The following SND1 variants were observed in gnomAD, a reference collection of about 807,000 sequenced individuals.
The protein encoded by SND1 is staphylococcal nuclease and tudor domain containing 1, also known as staphylococcal nuclease domain-containing protein 1.
A neutral mutation model predicts 121.7 loss-of-function variants in SND1; 38 were observed. The observed-to-expected ratio is 0.31, with a 90% CI of 0.24 to 0.41. The LOEUF (loss-of-function observed/expected upper bound fraction) is 0.41, where lower values mean the gene tolerates loss of function less well. Ranked by LOEUF, SND1 falls within the 10% of genes least tolerant of loss-of-function variation. The pLI, the probability that SND1 is intolerant of heterozygous loss-of-function variation, is 1.00. For synonymous variants in SND1, 401 were observed against 447.4 expected, an observed-to-expected ratio of 0.90 and a Z score of 1.31; for missense variants, 868 against 1,184.6, an observed-to-expected ratio of 0.73 and a Z score of 3.92.
Position 127,858,612 on chromosome 7 carries a change from C to G in SND1, c.1343+14188C>G, listed in dbSNP as rs1004916541. 1.7e-5 allele frequency: 5 copies of G among 301,612 alleles called. No individual in the cohort carries two copies. In the South Asian group the frequency reaches 1.8e-4, roughly 11 times the overall value. The allele number at this position is 301,612 out of a possible 1,614,324, so 18.7% of individuals were successfully genotyped here. On this transcript the variant is annotated intron_variant, in intron 12 of 23. Transcript: ENST00000354725. ...CCAGTTGCTAATGGACTCTAGGGAACAAAAACACCACTCTCCTGCTCCTGT... is the reference window on the plus strand; with the variant it reads ...CCAGTTGCTAATGGACTCTAGGGAAGAAAAACACCACTCTCCTGCTCCTGT...
intron 18 of SND1, among the ~76,000 whole-genome samples, chr7:128,082,811 C>T (rs1046174230): frequency 6.6e-6 from 1 of 152,256 alleles, no homozygotes; most frequent in East Asian, 1.9e-4. Flanking sequence ...CAAAAGGATG[C>T]GATCACTCCC....
At chr7:127,739,728 A>G (rs188592617) in intron 10 of SND1, among the ~76,000 whole-genome samples, 66 of 152,302 alleles carry the variant, frequency 4.3e-4, no homozygotes, top group Admixed American at 1.8e-3. Flanking sequence ...TCCAAGTTGG[A>G]CTTGGTCCTC....
intron 10 of SND1, among the ~76,000 whole-genome samples, chr7:127,756,707 C>G (rs1481816373): frequency 1.3e-5 from 2 of 152,316 alleles, no homozygotes; most frequent in East Asian, 1.9e-4. Flanking sequence ...TTCCCCAAAT[C>G]ACTTACCTGT....
intron 11 of SND1, among the ~76,000 whole-genome samples, chr7:127,827,768 T>C (rs1798668840): frequency 6.6e-6 from 1 of 152,238 alleles, no homozygotes; most frequent in Non-Finnish European, 1.5e-5. Flanking sequence ...GTTTTATTAA[T>C]AAGTATCATT....
intron 1 of SND1, among the ~76,000 whole-genome samples, chr7:127,675,166 A>G (rs143334872): frequency 1.7e-3 from 266 of 152,354 alleles, no homozygotes; most frequent in African/African-American, 6.1e-3. Context: ...GTGCCATTGC[A>G]CTGCAGCCTG....
intron 10 of SND1, among the ~76,000 whole-genome samples, chr7:127,737,036 AAC>A (rs1350600130): frequency 6.6e-6 from 1 of 151,922 alleles, no homozygotes; most frequent in African/African-American, 2.4e-5. Flanking sequence ...TTGTGATAAA[AAC>A]AGTCACCCCC....
intron 14 of SND1, among the ~76,000 whole-genome samples, chr7:127,915,260 C>G (rs768086522): frequency 6.6e-6 from 1 of 152,164 alleles, no homozygotes; most frequent in Non-Finnish European, 1.5e-5. Flanking sequence ...GCGCGAGCCA[C>G]TGCACCCAGC....
intron 15 of SND1, among the ~76,000 whole-genome samples, chr7:127,989,265 G>T (rs994066495): frequency 6.6e-6 from 1 of 152,180 alleles, no homozygotes; most frequent in Non-Finnish European, 1.5e-5. Flanking sequence ...TGGCAGAATG[G>T]TCCTTGCTGT....
intron 1 of SND1, among the ~76,000 whole-genome samples, chr7:127,655,975 G>A (rs553517212): frequency 6.6e-5 from 10 of 152,224 alleles, no homozygotes; most frequent in South Asian, 4.1e-4. Flanking sequence ...AAGGGAGGAC[G>A]GACAGTGCCA....
intron 1 of SND1, among the ~76,000 whole-genome samples, chr7:127,666,210 G>A (rs575177111): frequency 1.8e-3 from 274 of 152,308 alleles, no homozygotes; most frequent in African/African-American, 6.1e-3. Context: ...CCCCTGAACC[G>A]TAGCTCTAGA....
chr7:127,807,799 C>T (rs1798262890), intron 11 of SND1, among the ~76,000 whole-genome samples: 1 of 152,196 alleles, frequency 6.6e-6, no homozygotes, highest in African/African-American at 2.4e-5. Context: ...CCAATAGTCT[C>T]ACAGCAGGGT....
At chr7:127,707,463 G>T in intron 8 of SND1, 94 bp from the exon 9 acceptor site, 1 of 893,130 alleles carries the variant, frequency 1.1e-6, no homozygotes, top group Non-Finnish European at 1.9e-6. Context: ...CATCTATAGG[G>T]TAGAGTAGGA....
At chr7:127,909,632 A>G (rs1228990527) in intron 14 of SND1, among the ~76,000 whole-genome samples, 1 of 151,844 alleles carries the variant, frequency 6.6e-6, no homozygotes, top group African/African-American at 2.4e-5. Flanking sequence ...GGATCTTGCT[A>G]TGTTGTCCAG....
At chr7:128,016,382 T>A (rs1803225558) in intron 16 of SND1, among the ~76,000 whole-genome samples, 2 of 152,194 alleles carry the variant, frequency 1.3e-5, no homozygotes, top group Non-Finnish European at 2.9e-5. Flanking sequence ...TTTTTAATCT[T>A]TAATAATGAT....
intron 7 of SND1, among the ~76,000 whole-genome samples, 180 bp from the exon 8 acceptor site, chr7:127,704,659 G>A (rs1796158484): frequency 3.3e-5 from 5 of 152,176 alleles, no homozygotes; most frequent in Admixed American, 3.3e-4. Context: ...TCTCAGAGTG[G>A]CATCTCTCCC....
intron 11 of SND1, among the ~76,000 whole-genome samples, chr7:127,824,945 T>C (rs1798616073): frequency 6.6e-6 from 1 of 152,202 alleles, no homozygotes; most frequent in Non-Finnish European, 1.5e-5. Flanking sequence ...ATAATAGTTT[T>C]GTTACTTGAA....
chr7:127,654,183 T>C (rs1795172926), intron 1 of SND1, among the ~76,000 whole-genome samples: 1 of 152,260 alleles, frequency 6.6e-6, no homozygotes, highest in South Asian at 2.1e-4. Context: ...ATCTGGATTC[T>C]GTGCGGTGAC....
intron 11 of SND1, among the ~76,000 whole-genome samples, chr7:127,838,009 G>T (rs149702275): frequency 1.9e-3 from 293 of 152,308 alleles, no homozygotes; most frequent in African/African-American, 6.7e-3. Flanking sequence ...TCCCCTGTTG[G>T]CTAGGGTTGG....
chr7:127,746,086 A>G (rs1226392257), intron 10 of SND1, among the ~76,000 whole-genome samples: 1 of 152,190 alleles, frequency 6.6e-6, no homozygotes, highest in Non-Finnish European at 1.5e-5. Context: ...CTGTCACAGG[A>G]CACACACAGA....
Sources: gnomAD v4.1 joint callset for allele counts (sites outside exome capture counted in the v4.1 genomes callset) on GRCh38, gnomAD v4.1.1 for gene constraint, MANE v1.5 for transcripts, NCBI Gene and HGNC (gene_info 2026-07-23, HGNC 2026-07-21) for gene names.